Variants in POPDC2 observed in about 807,000 individuals in gnomAD.
POPDC2 encodes the protein popeye domain cAMP effector 2.
In POPDC2, 24 loss-of-function variants were observed where a neutral mutation model predicts 30.5. The ratio of observed to expected loss-of-function variants is 0.79; its 90% CI spans 0.57 to 1.11. The LOEUF (loss-of-function observed/expected upper bound fraction) is 1.11. Among genes scored for constraint, POPDC2 ranks in the 50% least tolerant of loss-of-function variants. POPDC2 has a pLI of 0.00. For synonymous variants in POPDC2, 185 were observed against 183.3 expected, an observed-to-expected ratio of 1.01 and a Z score of -0.07; for missense variants, 409 against 447.0, an observed-to-expected ratio of 0.91 and a Z score of 0.77.
intron 2 of POPDC2, among the ~76,000 whole-genome samples, chr3:119,653,400 T>C (rs1460544445): frequency 6.6e-6 from 1 of 151,604 alleles, no homozygotes; most frequent in Non-Finnish European, 1.5e-5. Context: ...GCCAGGAACC[T>C]GCATTGGAGC....
chr3:119,654,873 G>A, intron 1 of POPDC2: 2 of 453,834 alleles, frequency 4.4e-6, no homozygotes, highest in Non-Finnish European at 7.9e-6. Context: ...AGGCTGCAGA[G>A]TAGAAGTCCC....
At chr3:119,653,790 TG>T (rs944785213) in intron 2 of POPDC2, among the ~76,000 whole-genome samples, 1 of 152,214 alleles carries the variant, frequency 6.6e-6, no homozygotes, top group African/African-American at 2.4e-5. Flanking sequence ...AATTCTTTAC[TG>T]AACAGCTGCT....
At chr3:119,656,971 T>C (rs890015611) in intron 1 of POPDC2, among the ~76,000 whole-genome samples, 2 of 152,200 alleles carry the variant, frequency 1.3e-5, no homozygotes, top group Non-Finnish European at 1.5e-5. Flanking sequence ...CACAGGCACA[T>C]AAATAACTGG....
chr3:119,645,122 C>T (rs2107812498), intron 3 of POPDC2, among the ~76,000 whole-genome samples: 1 of 152,238 alleles, frequency 6.6e-6, no homozygotes, highest in African/African-American at 2.4e-5. Flanking sequence ...TTGCAAATTC[C>T]GGTATTTTAG....
rs765587123 is a variant in POPDC2 at position 119,648,658 on chromosome 3, G to C, written c.611C>G (p.Thr204Ser). The change falls in exon 3 of 4, where the codon ACT (threonine) becomes AGT (serine). Residue 204 changes from threonine (T) to serine (S), a missense_variant. By Grantham distance (58) the Thr-to-Ser change is moderately conservative. Transcript: ENST00000493094. ...AATGTAGCTACATGAGGTCTCAGCA[G>C]TCAGAGTGACCTGAGAGGGGTCAGA... is the stretch of plus-strand genomic sequence containing the variant. Reference protein sequence around the residue: ...SEEGVFQVTLTAETSCSYISW... With the variant: ...SEEGVFQVTLSAETSCSYISW... The C allele has an allele frequency of 1.3e-4, 202 of 1,612,538 alleles. No individual in the cohort carries two copies. The highest frequency in any genetic ancestry group is 1.7e-4 in the Non-Finnish European group (195 of 1,179,142).
intron 3 of POPDC2, among the ~76,000 whole-genome samples, chr3:119,646,680 C>T (rs1181910578): frequency 6.6e-6 from 1 of 151,784 alleles, no homozygotes; most frequent in African/African-American, 2.4e-5. Flanking sequence ...CAAACTGAGG[C>T]AATCAAGGAC....
Position 119,660,568 on chromosome 3 carries a change from G to T in POPDC2, c.-145C>A. The T allele has an allele frequency of 2.2e-6, 2 of 924,368 alleles. No homozygotes were observed. Among genetic ancestry groups the T allele is most frequent in the Non-Finnish European group, 3.2e-6 (2 of 634,066 alleles). The allele number at this position is 924,368 out of a possible 1,614,324, so 57.3% of individuals were successfully genotyped here. ...CACCTTTCCTAGAAGGAATGCTTCC[G>T]GTGGCTTTGGGAAGGAATGATGGAA... On this transcript the variant is annotated 5_prime_UTR_variant, in exon 1 of 4. Coordinates refer to ENST00000493094, the MANE Select transcript of POPDC2 (RefSeq NM_001369919.2).
intron 1 of POPDC2, among the ~76,000 whole-genome samples, chr3:119,657,266 T>G (rs774969552): frequency 7.2e-5 from 11 of 152,208 alleles, no homozygotes; most frequent in Non-Finnish European, 1.2e-4. Flanking sequence ...TCTACTTCCC[T>G]GGCTGCTAGG....
At chr3:119,657,434 G>A (rs906799849) in intron 1 of POPDC2, among the ~76,000 whole-genome samples, 1 of 152,164 alleles carries the variant, frequency 6.6e-6, no homozygotes, top group Admixed American at 6.5e-5. Context: ...AAAGCTGGAA[G>A]ACAGGAGCTT....
chr3:119,659,464 G>A (rs992528972), intron 1 of POPDC2, among the ~76,000 whole-genome samples: 2 of 152,194 alleles, frequency 1.3e-5, no homozygotes, highest in Non-Finnish European at 2.9e-5. Context: ...CCGCTATCCC[G>A]ACCTCCCATT....
chr3:119,658,431 C>T (rs1433604062), intron 1 of POPDC2, among the ~76,000 whole-genome samples: 1 of 152,228 alleles, frequency 6.6e-6, no homozygotes, highest in Admixed American at 6.5e-5. Flanking sequence ...GTAAATCTAT[C>T]CTAACTGAAC....
chr3:119,642,819 T>C (rs1459196256), intron 3 of POPDC2, among the ~76,000 whole-genome samples: 1 of 152,246 alleles, frequency 6.6e-6, no homozygotes, highest in Admixed American at 6.5e-5. Context: ...TTGCTTCCTA[T>C]GAACGTTCTA....
chr3:119,649,487 A>C (rs1295995014), intron 2 of POPDC2, among the ~76,000 whole-genome samples: 1 of 152,192 alleles, frequency 6.6e-6, no homozygotes, highest in Non-Finnish European at 1.5e-5. Context: ...AATAATGATA[A>C]GTGGTAAAGC....
At chr3:119,657,734 G>A (rs1462465010) in intron 1 of POPDC2, among the ~76,000 whole-genome samples, 1 of 152,112 alleles carries the variant, frequency 6.6e-6, no homozygotes, top group East Asian at 1.9e-4. Flanking sequence ...TGATCTTCGT[G>A]GCTCGCTGAA....
chr3:119,646,050 T>C (rs2107813438), intron 3 of POPDC2, among the ~76,000 whole-genome samples: 1 of 152,294 alleles, frequency 6.6e-6, no homozygotes, highest in South Asian at 2.1e-4. Context: ...CCTCCTGATG[T>C]TTGGAAAACA....
In POPDC2 at chr3:119,660,158, A is replaced by G. The variant is rs373624225; in HGVS notation, c.266T>C (p.Leu89Pro). ...GTATACCAGGTGTGCCAGCTGGAGC[A>G]GGCAGACCACAGCCAGCAGGAAGCT... Reference protein sequence around the residue: ...LWSFLLAVVCLLQLAHLVYRL... With the variant: ...LWSFLLAVVCPLQLAHLVYRL... Residue 89 changes from leucine (L) to proline (P), a missense_variant, in exon 1 of 4, where the codon CTG becomes CCG. Transcript: ENST00000493094. 54 of 1,614,220 alleles carry G rather than the reference A, an allele frequency of 3.3e-5. No individual in the cohort carries two copies. In the African/African-American group the frequency reaches 7.2e-4, roughly 22 times the overall value.
chr3:119,658,381 C>A (rs1006621341), intron 1 of POPDC2, among the ~76,000 whole-genome samples: 1 of 152,232 alleles, frequency 6.6e-6, no homozygotes, highest in Non-Finnish European at 1.5e-5. Context: ...GCAAGCCCCC[C>A]TCTCCCCTTC....
At chr3:119,643,087 C>T (rs980511902) in intron 3 of POPDC2, among the ~76,000 whole-genome samples, 2 of 152,186 alleles carry the variant, frequency 1.3e-5, no homozygotes, top group Non-Finnish European at 2.9e-5. Flanking sequence ...AGAGGTGGCA[C>T]GACCCTCTAG....
Position 119,654,524 on chromosome 3 carries a change from G to A in POPDC2, c.581C>T (p.Ser194Phe), listed in dbSNP as rs935189242. ...DSPEWESLQP[S>F]EEGVFQVTLT... ...TGTTACCTGGAACACCCCCTCCTCA[G>A]AAGGCTGTAGTGATTCCCACTCAGG... is the stretch of plus-strand genomic sequence containing the variant. Residue 194 changes from serine (S) to phenylalanine (F), a missense_variant, in exon 2 of 4, where the codon TCT becomes TTT. Ser to Phe is a radical substitution (Grantham distance 155). Coordinates refer to ENST00000493094, the MANE Select transcript of POPDC2 (RefSeq NM_001369919.2). 6.2e-7 allele frequency: 1 copy of A among 1,613,254 alleles called. No homozygotes were observed. The highest frequency in any genetic ancestry group is 8.5e-7 in the Non-Finnish European group (1 of 1,179,412).
Sources: allele counts gnomAD v4.1 joint callset (sites outside exome capture counted in the v4.1 genomes callset), GRCh38; gene constraint gnomAD v4.1.1; transcripts MANE v1.5; gene names NCBI Gene and HGNC (gene_info 2026-07-23, HGNC 2026-07-21).